Variants in SEPTIN9 observed in about 807,000 individuals in gnomAD.
SEPTIN9 encodes septin-9.
In SEPTIN9, 13 loss-of-function variants were observed where a neutral mutation model predicts 56.6. That is an observed-to-expected ratio of 0.23 (90% CI 0.15 to 0.37). The LOEUF (loss-of-function observed/expected upper bound fraction) is 0.37, where lower values mean the gene tolerates loss of function less well. Among genes scored for constraint, SEPTIN9 ranks in the 10% least tolerant of loss-of-function variants. The pLI, the probability that SEPTIN9 is intolerant of heterozygous loss-of-function variation, is 1.00. For missense variants in SEPTIN9, 650 were observed against 823.1 expected, an observed-to-expected ratio of 0.79 and a Z score of 2.57; for synonymous variants, 332 against 334.1, an observed-to-expected ratio of 0.99 and a Z score of 0.07.
rs148533503 is a variant in SEPTIN9 at position 77,475,045 on chromosome 17, G to A, written c.722-7099G>A. On this transcript the variant is annotated intron_variant, in intron 3 of 11. Coordinates refer to ENST00000427177, the MANE Select transcript of SEPTIN9 (RefSeq NM_001113491.2). The surrounding 1 kb of genome is among the most constrained non-coding windows in gnomAD (Gnocchi z 4.6). ...TAACGCCTGGCACAGAGAGCCCCCA[G>A]TAAACCTCGGCTGCTGTGATGAGCT... Among the ~76,000 whole-genome samples the A allele has an allele frequency of 1.1e-4, 17 of 152,138 alleles. No individual in the cohort carries two copies. In the East Asian group the frequency reaches 2.9e-3, roughly 26 times the overall value.
At chr17:77,395,421 C>G (rs532847206) in intron 2 of SEPTIN9, among the ~76,000 whole-genome samples, 1 of 150,402 alleles carries the variant, frequency 6.6e-6, no homozygotes, top group Non-Finnish European at 1.5e-5. Flanking sequence ...CCCAGCTACT[C>G]GGGAGGCTGA....
chr17:77,281,681 C>T, intron 1 of SEPTIN9, 127 bp downstream of exon 1: 2 of 909,086 alleles, frequency 2.2e-6, no homozygotes, highest in Non-Finnish European at 3.2e-6. Context: ...GGGCACACTG[C>T]AGGTCGAGTT....
intron 3 of SEPTIN9, among the ~76,000 whole-genome samples, chr17:77,470,387 C>T (rs920115733): frequency 4.1e-4 from 62 of 151,156 alleles, no homozygotes; most frequent in African/African-American, 1.3e-3. Flanking sequence ...TCCACTCATC[C>T]GTCCATCCAC....
At chr17:77,356,313 G>A (rs112175593) in intron 2 of SEPTIN9, among the ~76,000 whole-genome samples, 4 of 152,116 alleles carry the variant, frequency 2.6e-5, no homozygotes, top group Non-Finnish European at 4.4e-5. Context: ...GGGAGACCCG[G>A]TGGGGACTCC....
At chr17:77,295,513 C>G (rs1292370775) in intron 1 of SEPTIN9, among the ~76,000 whole-genome samples, 1 of 152,140 alleles carries the variant, frequency 6.6e-6, no homozygotes, top group Non-Finnish European at 1.5e-5. Flanking sequence ...TTCCACCTCC[C>G]AGGTTCCTCC....
At chr17:77,491,386 C>T (rs1332006256) in intron 8 of SEPTIN9, among the ~76,000 whole-genome samples, 1 of 151,944 alleles carries the variant, frequency 6.6e-6, no homozygotes, top group African/African-American at 2.4e-5. Context: ...TTAGTAGAGA[C>T]GAGGTTTTGC....
intron 2 of SEPTIN9, among the ~76,000 whole-genome samples, chr17:77,332,016 CTG>C (rs2033384027): frequency 4.6e-5 from 7 of 152,172 alleles, no homozygotes; most frequent in African/African-American, 1.4e-4. Flanking sequence ...TGGCTCATGA[CTG>C]TAATCCCAGC....
intron 3 of SEPTIN9, among the ~76,000 whole-genome samples, chr17:77,464,888 C>T (rs769360716): frequency 8.7e-4 from 132 of 152,256 alleles, no homozygotes; most frequent in African/African-American, 1.5e-3. Context: ...CCACTGCGCC[C>T]GGCTGACACA....
At position 77,433,735 on chromosome 17, in the gene SEPTIN9, C is replaced by T. The variant is rs1207804489; in HGVS notation, c.721+31032C>T. Among the ~76,000 whole-genome samples the T allele has an allele frequency of 6.6e-6, 1 of 152,146 alleles. No individual in the cohort carries two copies. Among genetic ancestry groups the T allele is most frequent in the African/African-American group, 2.4e-5 (1 of 41,426 alleles). ...ATGCCGGGACCTTCTCCTGCACCTC[C>T]CGAACCCCCGTTCCCTGTGAGTTAG... On this transcript the variant is annotated intron_variant, in intron 3 of 11. Transcript: ENST00000427177. The surrounding 1 kb of genome is among the most constrained non-coding windows in gnomAD (Gnocchi z 6.4).
At chr17:77,489,076 T>A (rs1038550305) in intron 7 of SEPTIN9, among the ~76,000 whole-genome samples, 1 of 152,124 alleles carries the variant, frequency 6.6e-6, no homozygotes, top group Non-Finnish European at 1.5e-5. Flanking sequence ...CCAGCCCCCA[T>A]CCTTCAGCTG....
intron 2 of SEPTIN9, among the ~76,000 whole-genome samples, chr17:77,347,824 T>G (rs1568006409): frequency 6.6e-6 from 1 of 152,298 alleles, no homozygotes; most frequent in Non-Finnish European, 1.5e-5. Context: ...CAACACTTTA[T>G]TATAAAATAG....
At chr17:77,494,755 T>C (rs1473311378) in intron 10 of SEPTIN9, among the ~76,000 whole-genome samples, 1 of 152,132 alleles carries the variant, frequency 6.6e-6, no homozygotes, top group Non-Finnish European at 1.5e-5. Context: ...GAGGCGGCTC[T>C]AGAATCTACA....
Position 77,475,632 on chromosome 17 carries a change from TC to T in SEPTIN9, c.722-6510del. On this transcript the variant is annotated intron_variant, in intron 3 of 11. Coordinates refer to ENST00000427177, the MANE Select transcript of SEPTIN9 (RefSeq NM_001113491.2). This position sits in a 1 kb window ranked among gnomAD's most constrained non-coding sequence, Gnocchi z 4.6. ...CAGAGGGAGGGCAGCTGGAGGCTGC[TC>T]CAGTGTGCATTGTTACGAGGCAAAG... 1 of 1,613,760 alleles carries T rather than the reference TC, an allele frequency of 6.2e-7. No homozygotes were observed. The highest frequency in any genetic ancestry group is 8.5e-7 in the Non-Finnish European group (1 of 1,179,854).
intron 2 of SEPTIN9, among the ~76,000 whole-genome samples, chr17:77,394,024 T>C (rs569323599): frequency 6.6e-6 from 1 of 152,336 alleles, no homozygotes; most frequent in South Asian, 2.1e-4. Context: ...ACGGTCCCTG[T>C]GCAGGCCCAT....
chr17:77,334,678 C>T (rs1319997469), intron 2 of SEPTIN9, among the ~76,000 whole-genome samples: 1 of 151,958 alleles, frequency 6.6e-6, no homozygotes, highest in African/African-American at 2.4e-5. Flanking sequence ...AAAAGAAGTT[C>T]TCTTATTTTC....
At chr17:77,341,818 C>T (rs1444938726) in intron 2 of SEPTIN9, among the ~76,000 whole-genome samples, 1 of 149,104 alleles carries the variant, frequency 6.7e-6, no homozygotes. Flanking sequence ...CGCAGTGGCT[C>T]ACGCCTGTAA....
At chr17:77,370,431 C>T (rs991618486) in intron 2 of SEPTIN9, among the ~76,000 whole-genome samples, 1 of 152,170 alleles carries the variant, frequency 6.6e-6, no homozygotes, top group East Asian at 1.9e-4. Flanking sequence ...TAGGGCCCAC[C>T]TTATCTTGAG....
In SEPTIN9 at chr17:77,492,933, T is replaced by C. The variant is rs188747; in HGVS notation, c.1477-47T>C. 706,403 of 1,521,918 alleles carry C rather than the reference T, an allele frequency of 0.46. 167,226 individuals carry two copies. Among genetic ancestry groups the C allele is most frequent in the Middle Eastern group, 0.64 (3,803 of 5,940 alleles). The allele number at this position is 1,521,918 out of a possible 1,614,324, so 94.3% of individuals were successfully genotyped here. A position where few individuals can be genotyped will look rare whatever the true frequency, so the allele number is the denominator to read the frequency against. On this transcript the variant is annotated intron_variant, in intron 9 of 11. Transcript: ENST00000427177. This position sits in a 1 kb window ranked among gnomAD's most constrained non-coding sequence, Gnocchi z 5.4. Reference sequence around the variant, plus strand: ...CCTCCCGGGGGCCCAGGGGAGGGAATTGCCTTCCCGCACATGTGTAACCAA... The same window carrying C: ...CCTCCCGGGGGCCCAGGGGAGGGAACTGCCTTCCCGCACATGTGTAACCAA...
intron 1 of SEPTIN9, among the ~76,000 whole-genome samples, chr17:77,299,627 TTA>T (rs1223349451): frequency 2.0e-5 from 3 of 152,234 alleles, no homozygotes; most frequent in Non-Finnish European, 4.4e-5. Flanking sequence ...ATCCTGTATT[TTA>T]TATGAGAACC....
Sources: allele counts gnomAD v4.1 joint callset (sites outside exome capture counted in the v4.1 genomes callset), GRCh38; gene constraint gnomAD v4.1.1; non-coding constraint Gnocchi (gnomAD v3.1); transcripts MANE v1.5; gene names NCBI Gene and HGNC (gene_info 2026-07-23, HGNC 2026-07-21).